Variants in ELF2 observed in about 807,000 individuals in gnomAD.
ELF2 encodes the protein ETS-related transcription factor Elf-2.
Under a neutral mutation model 54.8 loss-of-function variants are expected in ELF2, and 11 were observed. That is an observed-to-expected ratio of 0.20 (90% CI 0.13 to 0.33). The LOEUF is 0.33. Among genes scored for constraint, ELF2 ranks in the 10% least tolerant of loss-of-function variants. The pLI, the probability that ELF2 is intolerant of heterozygous loss-of-function variation, is 1.00. For synonymous variants in ELF2, 203 were observed against 245.1 expected (o/e 0.83, Z 1.61); for missense variants, 513 against 703.0 (o/e 0.73, Z 3.06).
Position 139,058,899 on chromosome 4 carries a change from T to G in ELF2, c.*84A>C. The G allele has an allele frequency of 6.6e-7, 1 of 1,504,166 alleles. No homozygotes were observed. The highest frequency in any genetic ancestry group is 8.9e-7 in the Non-Finnish European group (1 of 1,126,990). 93.2% of individuals were successfully genotyped at this position (1,504,166 alleles called of 1,614,324 possible). On this transcript the variant is annotated 3_prime_UTR_variant, in exon 10 of 10. Coordinates refer to ENST00000686138, the MANE Select transcript of ELF2 (RefSeq NM_001331036.3). ...CATTAAAAATGTTTTAAAGTCTTCTTTGACTTTTCTTGATGACTTCCCTTG... is the reference window on the plus strand; with the variant it reads ...CATTAAAAATGTTTTAAAGTCTTCTGTGACTTTTCTTGATGACTTCCCTTG...
At chr4:139,134,491 GGA>G (rs1427160849) in intron 3 of ELF2, among the ~76,000 whole-genome samples, 2 of 150,776 alleles carry the variant, frequency 1.3e-5, no homozygotes, top group Non-Finnish European at 2.9e-5. Flanking sequence ...CAAGTACCTG[GGA>G]CTCCAGGTGC....
intron 1 of ELF2, among the ~76,000 whole-genome samples, chr4:139,148,115 A>C (rs1739437212): frequency 6.7e-6 from 1 of 150,008 alleles, no homozygotes; most frequent in Admixed American, 6.6e-5. Flanking sequence ...AAAAAAAAAA[A>C]TTAATGTACT....
In ELF2 at chr4:139,115,261, C is replaced by A. The variant is rs1369723592; in HGVS notation, c.238+9903G>T. 22 of 1,605,642 alleles carry A rather than the reference C, an allele frequency of 1.4e-5. No individual in the cohort carries two copies. In the Admixed American group the frequency reaches 3.7e-4, roughly 27 times the overall value. The stretch of plus-strand genomic sequence containing the variant: ...ATCGTCCGCGCCGCCCGGGCCCTCT[C>A]CTGCGGTCCCGGGGGGGGCTCTGAA... On this transcript the variant is annotated intron_variant, in intron 4 of 9. Coordinates refer to ENST00000686138, the MANE Select transcript of ELF2 (RefSeq NM_001331036.3).
intron 1 of ELF2, among the ~76,000 whole-genome samples, chr4:139,167,415 T>C (rs909086269): frequency 3.9e-5 from 6 of 152,194 alleles, no homozygotes; most frequent in East Asian, 1.9e-4. Context: ...TGAGATTTCT[T>C]TGTGGTCAAC....
Position 139,139,442 on chromosome 4 carries a change from T to C in ELF2, c.-196A>G, listed in dbSNP as rs1409960294. The stretch of plus-strand genomic sequence containing the variant: ...TGTATGTTAAGTAGTCTAAGCATCC[T>C]TCACTATTTTCACAACTTGGGAAGA... On this transcript the variant is annotated 5_prime_UTR_variant, in exon 2 of 10. Transcript: ENST00000686138. 2.4e-6 allele frequency: 3 copies of C among 1,229,952 alleles called. No homozygotes were observed. The highest frequency in any genetic ancestry group is 3.1e-5 in the African/African-American group (2 of 64,364). The allele number at this position is 1,229,952 out of a possible 1,614,324, so 76.2% of individuals were successfully genotyped here. A position where few individuals can be genotyped will look rare whatever the true frequency, so the allele number is the denominator to read the frequency against.
At chr4:139,170,259 C>CAT (rs1387778713) in intron 1 of ELF2, among the ~76,000 whole-genome samples, 2 of 89,308 alleles carry the variant, frequency 2.2e-5, no homozygotes, top group East Asian at 6.2e-4. Context: ...TCTTAATCGC[C>CAT]TTTTTTTTTT....
chr4:139,070,064 A>G (rs1393152914), intron 6 of ELF2, among the ~76,000 whole-genome samples: 1 of 151,128 alleles, frequency 6.6e-6, no homozygotes, highest in African/African-American at 2.4e-5. Flanking sequence ...GCTGGTCTTG[A>G]ACTCCTGAGC....
chr4:139,131,943 G>A (rs1253047819), intron 3 of ELF2, among the ~76,000 whole-genome samples: 1 of 152,128 alleles, frequency 6.6e-6, no homozygotes, highest in African/African-American at 2.4e-5. Flanking sequence ...AACAAGAGGG[G>A]GTGGAAGGAG....
At chr4:139,070,297 GT>G (rs964317787) in intron 6 of ELF2, among the ~76,000 whole-genome samples, 18 of 144,626 alleles carry the variant, frequency 1.2e-4, no homozygotes, top group Middle Eastern at 3.6e-3. Flanking sequence ...TAAATGTGGT[GT>G]TTTTTTTTTT....
At chr4:139,111,730 G>A (rs1490451858) in intron 4 of ELF2, among the ~76,000 whole-genome samples, 2 of 152,080 alleles carry the variant, frequency 1.3e-5, no homozygotes, top group African/African-American at 2.4e-5. Context: ...AAACAACACC[G>A]TACAAAGCAT....
intron 4 of ELF2, 105 bp downstream of exon 4, chr4:139,125,059 T>C (rs983812727): frequency 2.2e-6 from 3 of 1,364,146 alleles, no homozygotes; most frequent in East Asian, 2.3e-5. Context: ...CTATACTAAA[T>C]AGCATTAAAA....
intron 4 of ELF2, among the ~76,000 whole-genome samples, chr4:139,118,216 T>C (rs1337510636): frequency 6.6e-6 from 1 of 151,994 alleles, no homozygotes. Context: ...TAGGAGTATA[T>C]ACAACAAAAA....
intron 4 of ELF2, among the ~76,000 whole-genome samples, chr4:139,074,872 G>A (rs1190723974): frequency 5.9e-5 from 9 of 152,116 alleles, no homozygotes; most frequent in Non-Finnish European, 1.5e-5. Context: ...GGACTTGACT[G>A]AGCATTCTAG....
intron 4 of ELF2, among the ~76,000 whole-genome samples, chr4:139,091,430 C>T (rs1015924108): frequency 1.3e-5 from 2 of 151,994 alleles, no homozygotes; most frequent in Non-Finnish European, 2.9e-5. Flanking sequence ...AGCAACATAG[C>T]AAACCTAAAG....
intron 4 of ELF2, among the ~76,000 whole-genome samples, chr4:139,108,794 T>C (rs1734671289): frequency 6.6e-6 from 1 of 151,880 alleles, no homozygotes; most frequent in Non-Finnish European, 1.5e-5. Flanking sequence ...AATAAAAGAA[T>C]CGAAGAACTG....
intron 4 of ELF2, among the ~76,000 whole-genome samples, chr4:139,122,150 G>A (rs754885499): frequency 2.0e-5 from 3 of 152,162 alleles, no homozygotes; most frequent in South Asian, 2.1e-4. Context: ...ACATCTTTTA[G>A]ACTGACATAA....
chr4:139,120,808 G>A (rs1180377027), intron 4 of ELF2, among the ~76,000 whole-genome samples: 5 of 151,938 alleles, frequency 3.3e-5, no homozygotes, highest in Non-Finnish European at 7.4e-5. Flanking sequence ...TCACAACCTA[G>A]TCATAGCACT....
At chr4:139,103,374 G>T (rs1356811298) in intron 4 of ELF2, among the ~76,000 whole-genome samples, 1 of 152,178 alleles carries the variant, frequency 6.6e-6, no homozygotes, top group Non-Finnish European at 1.5e-5. Context: ...TTATAGGGTT[G>T]GGACTTTCAG....
rs183732724 is a variant in ELF2, at chr4:139,058,706, T to C, written c.*277A>G. 9 of 332,556 alleles carry C rather than the reference T, an allele frequency of 2.7e-5. No individual in the cohort carries two copies. The Admixed American group carries it at 4.1e-4, about 15-fold the overall frequency. The allele number at this position is 332,556 out of a possible 1,614,324, so 20.6% of individuals were successfully genotyped here. On this transcript the variant is annotated 3_prime_UTR_variant, in exon 10 of 10. Transcript: ENST00000686138. Reference sequence around the variant, plus strand: ...TTCCAAGTCTTAGTGTAACTTGATATCGTAGTGAGCTGCTTGGTCCCTTTC... The same window carrying C: ...TTCCAAGTCTTAGTGTAACTTGATACCGTAGTGAGCTGCTTGGTCCCTTTC...
Sources: allele counts gnomAD v4.1 joint callset (sites outside exome capture counted in the v4.1 genomes callset), GRCh38; gene constraint gnomAD v4.1.1; transcripts MANE v1.5; gene names NCBI Gene and HGNC (gene_info 2026-07-23, HGNC 2026-07-21).